Variants in DHRS7B observed in about 807,000 individuals in gnomAD.
DHRS7B encodes the protein dehydrogenase/reductase 7B.
DHRS7B carries 24 observed loss-of-function variants against 26.4 expected under a neutral mutation model. The ratio of observed to expected loss-of-function variants is 0.91; its 90% CI spans 0.66 to 1.28. The LOEUF is 1.28. Ranked by LOEUF, DHRS7B falls within the 50% of genes most tolerant of loss-of-function variation. The pLI, the probability that DHRS7B is intolerant of heterozygous loss-of-function variation, is 0.00. For missense variants in DHRS7B, 368 were observed against 419.4 expected (o/e 0.88, Z 1.07); for synonymous variants, 142 against 166.4 (o/e 0.85, Z 1.13).
intron 1 of DHRS7B, among the ~76,000 whole-genome samples, chr17:21,145,090 C>A (rs531579928): frequency 6.6e-6 from 1 of 151,962 alleles, no homozygotes; most frequent in East Asian, 1.9e-4. Flanking sequence ...TTTGGGAGGC[C>A]AAGGTGGGCG....
intron 1 of DHRS7B, among the ~76,000 whole-genome samples, chr17:21,142,640 A>G (rs1973542741): frequency 6.6e-6 from 1 of 152,114 alleles, no homozygotes; most frequent in African/African-American, 2.4e-5. Flanking sequence ...CCATCCAGAA[A>G]TGCAGGGACA....
intron 1 of DHRS7B, among the ~76,000 whole-genome samples, chr17:21,141,640 A>AAAAAACAAAAAAG: frequency 1.1e-5 from 1 of 90,078 alleles, no homozygotes; most frequent in African/African-American, 4.3e-5. Context: ...AAAAAAAAAA[A>AAAAAACAAAAAAG]CAACCTCATC....
At chr17:21,177,499 C>T (rs1347377727) in intron 2 of DHRS7B, among the ~76,000 whole-genome samples, 1 of 152,204 alleles carries the variant, frequency 6.6e-6, no homozygotes, top group Non-Finnish European at 1.5e-5. Flanking sequence ...GTGTGGTGGG[C>T]TTGGTGGAGC....
intron 1 of DHRS7B, among the ~76,000 whole-genome samples, chr17:21,131,115 A>G (rs1973220928): frequency 6.6e-6 from 1 of 152,174 alleles, no homozygotes; most frequent in South Asian, 2.1e-4. Flanking sequence ...ACCTCAAGAG[A>G]GGGTTCTTGG....
chr17:21,132,950 C>T (rs1973271293), intron 1 of DHRS7B, among the ~76,000 whole-genome samples: 1 of 152,024 alleles, frequency 6.6e-6, no homozygotes, highest in South Asian at 2.1e-4. Flanking sequence ...ATGTGGGCTT[C>T]AGAGTCTGAG....
intron 5 of DHRS7B, among the ~76,000 whole-genome samples, chr17:21,185,065 T>C (rs1041928987): frequency 6.6e-6 from 1 of 152,200 alleles, no homozygotes; most frequent in Admixed American, 6.5e-5. Context: ...AGGATTTTTT[T>C]TCCCCCTCAG....
chr17:21,140,535 C>CACACACACACCCTG lies in DHRS7B; in HGVS notation c.20+13548_20+13549insACACACCCTGACAC, dbSNP rs1555536404. 4.0e-5 allele frequency among the ~76,000 whole-genome samples: 6 copies of CACACACACACCCTG among 149,768 alleles called. No homozygotes were observed. In the East Asian group the frequency reaches 8.0e-4, roughly 20 times the overall value. ...ACACACACACACACACACACACACA[C>CACACACACACCCTG]ACACCCTGACACCCTATAGCTTTTA... is the stretch of plus-strand genomic sequence containing the variant. On this transcript the variant is annotated intron_variant, in intron 1 of 6. Transcript: ENST00000395511.
At chr17:21,182,951 G>A (rs8064443) in intron 3 of DHRS7B, among the ~76,000 whole-genome samples, 11,637 of 152,216 alleles carry the variant, frequency 0.076, 761 homozygotes, top group African/African-American at 0.19. Context: ...GAAGAGTACA[G>A]GAAGGACTGG....
At chr17:21,168,429 T>A (rs1974161031) in intron 1 of DHRS7B, among the ~76,000 whole-genome samples, 1 of 152,084 alleles carries the variant, frequency 6.6e-6, no homozygotes, top group Non-Finnish European at 1.5e-5. Context: ...AGTGCAGTGG[T>A]GCAATCTTGG....
At chr17:21,184,675 A>G (rs3744224) in intron 5 of DHRS7B, among the ~76,000 whole-genome samples, 3 of 151,928 alleles carry the variant, frequency 2.0e-5, no homozygotes, top group South Asian at 2.1e-4. Context: ...AAGTATCCCC[A>G]CTTCTCTGTG....
At chr17:21,151,506 C>T (rs572736906) in intron 1 of DHRS7B, among the ~76,000 whole-genome samples, 2 of 104,076 alleles carry the variant, frequency 1.9e-5, no homozygotes, top group South Asian at 7.4e-4. Flanking sequence ...GTGTGAGACT[C>T]TGTCTCAAAA....
At position 21,191,193 on chromosome 17, in the gene DHRS7B, C is replaced by G. The variant is rs998894043; in HGVS notation, c.*40C>G. ...AGGGCCAGGGCAGAGAAGCAGCACT[C>G]TTAGGCTTGCTTACTCTACAAGGGA... On this transcript the variant is annotated 3_prime_UTR_variant, in exon 7 of 7. Coordinates refer to ENST00000395511, the MANE Select transcript of DHRS7B (RefSeq NM_015510.5). 1 of 1,589,528 alleles carries G rather than the reference C, an allele frequency of 6.3e-7. No individual in the cohort carries two copies.
At chr17:21,159,431 A>G (rs1195631377) in intron 1 of DHRS7B, among the ~76,000 whole-genome samples, 4 of 143,970 alleles carry the variant, frequency 2.8e-5, no homozygotes, top group South Asian at 2.2e-4. Flanking sequence ...TTTTTTTTGT[A>G]TTTTTAGTAG....
At chr17:21,140,479 TACACACACACACACAC>T (rs4020775) in intron 1 of DHRS7B, among the ~76,000 whole-genome samples, 292 of 83,690 alleles carry the variant, frequency 3.5e-3, no homozygotes, top group East Asian at 0.015. Flanking sequence ...GCCTTTTAAA[TACACACACACACACAC>T]ACACACACAC....
chr17:21,130,305 G>A (rs539598656), intron 1 of DHRS7B, among the ~76,000 whole-genome samples: 5 of 152,260 alleles, frequency 3.3e-5, no homozygotes, highest in East Asian at 1.9e-4. Flanking sequence ...CAGGAGAATC[G>A]CTTGAACTGG....
intron 1 of DHRS7B, among the ~76,000 whole-genome samples, chr17:21,169,139 AT>A (rs1334449111): frequency 6.6e-6 from 1 of 152,232 alleles, no homozygotes; most frequent in African/African-American, 2.4e-5. Context: ...AACTTGGGAC[AT>A]GAGAGCCTGA....
chr17:21,165,488 G>A (rs1974091402), intron 1 of DHRS7B, among the ~76,000 whole-genome samples: 1 of 152,002 alleles, frequency 6.6e-6, no homozygotes, highest in East Asian at 1.9e-4. Context: ...ACCATGCCTG[G>A]CTAATTTTTA....
chr17:21,142,009 C>T (rs976171651), intron 1 of DHRS7B, among the ~76,000 whole-genome samples: 24 of 152,038 alleles, frequency 1.6e-4, no homozygotes, highest in African/African-American at 5.3e-4. Context: ...GTTTATTTTG[C>T]CAAGGTTGAG....
chr17:21,187,047 A>C (rs577937411), intron 5 of DHRS7B, among the ~76,000 whole-genome samples: 1 of 151,672 alleles, frequency 6.6e-6, no homozygotes, highest in Non-Finnish European at 1.5e-5. Flanking sequence ...GAAGAAAGCT[A>C]CTTGCAGGAA....
Sources: allele counts gnomAD v4.1 joint callset (sites outside exome capture counted in the v4.1 genomes callset), GRCh38; gene constraint gnomAD v4.1.1; transcripts MANE v1.5; gene names NCBI Gene and HGNC (gene_info 2026-07-23, HGNC 2026-07-21).